Variants in PDE11A observed in about 807,000 individuals in gnomAD.
PDE11A encodes phosphodiesterase 11A.
A neutral mutation model predicts 100.5 loss-of-function variants in PDE11A; 100 were observed. The observed-to-expected ratio is 1.00, with a 90% CI of 0.85 to 1.18. The LOEUF (loss-of-function observed/expected upper bound fraction) is 1.18. PDE11A is among the 50% of genes most tolerant of loss of function. PDE11A has a pLI of 0.00. For missense variants in PDE11A, 1,141 were observed against 1,152.6 expected, an observed-to-expected ratio of 0.99 and a Z score of 0.15; for synonymous variants, 381 against 420.8, an observed-to-expected ratio of 0.91 and a Z score of 1.16.
chr2:177,711,503 A>G (rs1210164415), intron 13 of PDE11A, among the ~76,000 whole-genome samples: 1 of 152,266 alleles, frequency 6.6e-6, no homozygotes, highest in Non-Finnish European at 1.5e-5. Flanking sequence ...GGAAAAAAGT[A>G]GACCCTTTAA....
chr2:177,728,037 T>C lies in PDE11A; in HGVS notation c.1924A>G (p.Ile642Val), dbSNP rs149955405. The C allele has an allele frequency of 3.7e-5, 60 of 1,613,128 alleles. No individual in the cohort carries two copies. The highest frequency in any genetic ancestry group is 4.7e-5 in the Non-Finnish European group (56 of 1,179,414). The stretch of plus-strand genomic sequence containing the variant: ...GACAGACATCTTACCTCATAGTCAA[T>C]TTTAAATTTCTGTACCATCCCCAGC... Reference protein sequence around the residue: ...MELGMVQKFKIDYETLCRWLL... With the variant: ...MELGMVQKFKVDYETLCRWLL... The change falls in exon 11 of 20, where the codon ATT becomes GTT. Residue 642 changes from isoleucine to valine, a missense_variant. Coordinates refer to ENST00000286063, the MANE Select transcript of PDE11A (RefSeq NM_016953.4).
chr2:178,018,692 G>A (rs1307248602), intron 1 of PDE11A, among the ~76,000 whole-genome samples: 4 of 152,132 alleles, frequency 2.6e-5, no homozygotes, highest in South Asian at 2.1e-4. Flanking sequence ...GACTGCAGGT[G>A]CACACCACCA....
chr2:177,959,878 G>T (rs1211095345), intron 2 of PDE11A, among the ~76,000 whole-genome samples: 2 of 151,992 alleles, frequency 1.3e-5, no homozygotes, highest in Admixed American at 6.6e-5. Flanking sequence ...AAAATTTTCG[G>T]TATTAGAAAT....
At chr2:177,917,055 C>T (rs1056562203) in intron 2 of PDE11A, among the ~76,000 whole-genome samples, 7 of 151,006 alleles carry the variant, frequency 4.6e-5, no homozygotes, top group Non-Finnish European at 1.0e-4. Context: ...GGATTACAGG[C>T]GTGAGCCACC....
chr2:177,954,943 C>A (rs981244470), intron 2 of PDE11A, among the ~76,000 whole-genome samples: 21 of 152,062 alleles, frequency 1.4e-4, no homozygotes, highest in Admixed American at 2.0e-4. Context: ...TTTTTAATTA[C>A]CCTAAAGCAT....
intron 10 of PDE11A, among the ~76,000 whole-genome samples, chr2:177,751,851 G>A (rs1292032596): frequency 3.9e-5 from 6 of 152,144 alleles, no homozygotes; most frequent in Non-Finnish European, 8.8e-5. Flanking sequence ...ATACATACAG[G>A]TTTTTTCATA....
chr2:177,775,178 C>A (rs890107679), intron 9 of PDE11A, among the ~76,000 whole-genome samples: 15 of 152,134 alleles, frequency 9.9e-5, no homozygotes, highest in African/African-American at 3.6e-4. Flanking sequence ...CAGTAAGACC[C>A]ATTTCAGACA....
At chr2:177,952,426 G>T (rs2085515802) in intron 2 of PDE11A, among the ~76,000 whole-genome samples, 2 of 152,118 alleles carry the variant, frequency 1.3e-5, no homozygotes, top group Admixed American at 6.5e-5. Context: ...GCCCACACCG[G>T]ATTTTCTCTT....
In PDE11A at chr2:177,701,238, C is replaced by T. The variant is rs190095629; in HGVS notation, c.2154-27G>A. The T allele has an allele frequency of 1.3e-4, 147 of 1,116,914 alleles. 1 individual carries two copies. The highest frequency in any genetic ancestry group is 1.3e-3 in the Middle Eastern group (6 of 4,782). 69.2% of individuals were successfully genotyped at this position (1,116,914 alleles called of 1,614,324 possible). On this transcript the variant is annotated intron_variant, in intron 13 of 19. Coordinates refer to ENST00000286063, the MANE Select transcript of PDE11A (RefSeq NM_016953.4). ...TGAAAGAGGACAGAGGGTGAGTGAG[C>T]AGGGCCTATCGATGGTTCCCCCACA...
At chr2:177,709,907 G>A (rs1340078057) in intron 13 of PDE11A, among the ~76,000 whole-genome samples, 3 of 152,296 alleles carry the variant, frequency 2.0e-5, no homozygotes, top group African/African-American at 7.2e-5. Context: ...GATTGGAACC[G>A]GAAGCCATGT....
At chr2:177,713,024 T>C (rs921867549) in intron 12 of PDE11A, among the ~76,000 whole-genome samples, 6 of 152,138 alleles carry the variant, frequency 3.9e-5, no homozygotes, top group African/African-American at 1.2e-4. Context: ...TTATTTTTTT[T>C]TTAGGAGACA....
At chr2:177,835,023 G>A (rs1449608065) in intron 6 of PDE11A, among the ~76,000 whole-genome samples, 6 of 152,036 alleles carry the variant, frequency 3.9e-5, no homozygotes, top group Admixed American at 6.5e-5. Context: ...TCTAAGGAAC[G>A]CAAAGGTTAT....
At chr2:178,106,162 C>A (rs2087615600) in intron 1 of PDE11A, among the ~76,000 whole-genome samples, 1 of 152,124 alleles carries the variant, frequency 6.6e-6, no homozygotes, top group South Asian at 2.1e-4. Flanking sequence ...AATCTGTATT[C>A]TTCAATATTG....
At chr2:177,941,731 T>C (rs142939882) in intron 2 of PDE11A, among the ~76,000 whole-genome samples, 149 of 152,292 alleles carry the variant, frequency 9.8e-4, no homozygotes, top group Non-Finnish European at 1.2e-3. Context: ...AAAAGTAACA[T>C]GTTCTACTTT....
chr2:177,944,796 T>G (rs911983274), intron 2 of PDE11A, among the ~76,000 whole-genome samples: 1 of 105,268 alleles, frequency 9.5e-6, no homozygotes, highest in African/African-American at 2.9e-5. Flanking sequence ...AGATAGAAGA[T>G]GCGAGCGCTC....
intron 15 of PDE11A, among the ~76,000 whole-genome samples, chr2:177,691,561 G>A (rs2081041023): frequency 6.6e-6 from 1 of 152,176 alleles, no homozygotes; most frequent in South Asian, 2.1e-4. Context: ...TAACTGCAGA[G>A]TAACTAAGAA....
chr2:177,993,606 ATTGT>A (rs1251607989), intron 2 of PDE11A, among the ~76,000 whole-genome samples: 3 of 152,048 alleles, frequency 2.0e-5, no homozygotes, highest in Non-Finnish European at 2.9e-5. Flanking sequence ...TTTCCTATTG[ATTGT>A]TTATCTGTAT....
At chr2:177,967,504 T>C (rs2085714244) in intron 2 of PDE11A, among the ~76,000 whole-genome samples, 1 of 152,098 alleles carries the variant, frequency 6.6e-6, no homozygotes, top group South Asian at 2.1e-4. Flanking sequence ...CAGCCTCCTT[T>C]GTCACTTTTG....
At chr2:177,952,518 C>A (rs2085516888) in intron 2 of PDE11A, among the ~76,000 whole-genome samples, 1 of 152,166 alleles carries the variant, frequency 6.6e-6, no homozygotes, top group Non-Finnish European at 1.5e-5. Flanking sequence ...AGGAACTGTC[C>A]TTTAGTTTCT....
Sources: allele counts gnomAD v4.1 joint callset (sites outside exome capture counted in the v4.1 genomes callset), GRCh38; gene constraint gnomAD v4.1.1; transcripts MANE v1.5; gene names NCBI Gene and HGNC (gene_info 2026-07-23, HGNC 2026-07-21).